PCNX1: variants seen among roughly 807,000 people sequenced by gnomAD.
PCNX1 encodes the protein pecanex-like protein 1.
Under a neutral mutation model 242.2 loss-of-function variants are expected in PCNX1, and 78 were observed. The ratio of observed to expected loss-of-function variants is 0.32; its 90% confidence interval spans 0.27 to 0.39. The LOEUF (loss-of-function observed/expected upper bound fraction) is 0.39. Among genes scored for constraint, PCNX1 ranks in the 10% least tolerant of loss-of-function variants. PCNX1 has a pLI of 1.00. For missense variants in PCNX1, 2,581 were observed against 2,856.5 expected (o/e 0.90, Z 2.20); for synonymous variants, 1,024 against 1,032.9 (o/e 0.99, Z 0.17).
intron 2 of PCNX1, among the ~76,000 whole-genome samples, chr14:70,948,645 ATAG>A (rs2057564180): frequency 6.6e-6 from 1 of 150,992 alleles, no homozygotes. Context: ...TTGTGTATAT[ATAG>A]ATGTGTATAT....
At chr14:70,953,730 C>T (rs1390749956) in intron 2 of PCNX1, among the ~76,000 whole-genome samples, 1 of 148,276 alleles carries the variant, frequency 6.7e-6, no homozygotes, top group Non-Finnish European at 1.5e-5. Flanking sequence ...AGTGCAGTGG[C>T]ACAGTCTCAG....
rs895188713 is a variant in PCNX1 at position 71,112,485 on chromosome 14, A to T, written c.*2550A>T. The stretch of plus-strand genomic sequence containing the variant: ...CTGACAATCTTTTAAAAATCATAAT[A>T]CTTTTCTAGTAATTGCATCAGGGAA... On this transcript the variant is annotated 3_prime_UTR_variant, in exon 36 of 36. Transcript: ENST00000304743. The T allele has an allele frequency of 6.6e-6, 1 of 152,108 alleles. No homozygotes were observed. Among genetic ancestry groups the T allele is most frequent in the Non-Finnish European group, 1.5e-5 (1 of 67,938 alleles). 9.4% of individuals were successfully genotyped at this position (152,108 alleles called of 1,614,324 possible).
Position 71,003,080 on chromosome 14 carries a change from C to CTTTTTTTTTTTTTTTTTTTTTTTTTTT in PCNX1, c.2630-6534_2630-6533insTTTTTTTTTTTTTTTTTTTTTTTTTTT, listed in dbSNP as rs3083307. Among the ~76,000 whole-genome samples the CTTTTTTTTTTTTTTTTTTTTTTTTTTT allele has an allele frequency of 1.4e-4, 13 of 95,474 alleles. 1 individual carries two copies. Among genetic ancestry groups the CTTTTTTTTTTTTTTTTTTTTTTTTTTT allele is most frequent in the African/African-American group, 4.7e-4 (10 of 21,262 alleles). The allele number at this position is 95,474 out of a possible 152,430, so 62.6% of individuals were successfully genotyped here. ...TAAAAATCGGGTTGTTGGTTGTCTTCTTTTTTTTTTTTTTTTTTTTGAGAC... is the reference window on the plus strand; with the variant it reads ...TAAAAATCGGGTTGTTGGTTGTCTTCTTTTTTTTTTTTTTTTTTTTTTTTTTTTTTTTTTTTTTTTTTTTTTTGAGAC... On this transcript the variant is annotated intron_variant, in intron 8 of 35. Coordinates refer to ENST00000304743, the MANE Select transcript of PCNX1 (RefSeq NM_014982.3).
At chr14:70,931,537 G>A (rs553899066) in intron 1 of PCNX1, among the ~76,000 whole-genome samples, 59 of 152,268 alleles carry the variant, frequency 3.9e-4, no homozygotes, top group African/African-American at 1.3e-3. Flanking sequence ...TAGTGTGCCC[G>A]TTTGTGTGTT....
chr14:71,045,238 C>T lies in PCNX1; in HGVS notation c.3973C>T (p.His1325Tyr), dbSNP rs2060826056. 4 of 1,613,238 alleles carry T rather than the reference C, an allele frequency of 2.5e-6. No individual in the cohort carries two copies. Among genetic ancestry groups the T allele is most frequent in the Non-Finnish European group, 3.4e-6 (4 of 1,179,270 alleles). Residue 1325 changes from histidine (H) to tyrosine (Y), a missense_variant, in exon 20 of 36, where the codon CAT (histidine) becomes TAT (tyrosine). His to Tyr is a moderately conservative substitution (Grantham distance 83). This residue lies in a region of PCNX1 where 432 missense variants were observed against 443.1 expected (regional missense o/e 0.97). Transcript: ENST00000304743. Reference protein sequence around the residue: ...RKQLPWHCFSHPLLKTLEYNQ... With the variant: ...RKQLPWHCFSYPLLKTLEYNQ... ...ACAGCTACCATGGCACTGTTTCTCT[C>T]ATCCTCTGCTAAAGACACTAGAGTA... is the stretch of plus-strand genomic sequence containing the variant.
chr14:70,995,357 G>T (rs1244970382), intron 7 of PCNX1, among the ~76,000 whole-genome samples: 1 of 152,188 alleles, frequency 6.6e-6, no homozygotes, highest in Non-Finnish European at 1.5e-5. Context: ...AAATGAAAGT[G>T]CATATTTAAC....
chr14:71,054,378 A>C (rs2061123931), intron 24 of PCNX1, among the ~76,000 whole-genome samples: 2 of 152,204 alleles, frequency 1.3e-5, no homozygotes, highest in African/African-American at 4.8e-5. Flanking sequence ...TTATGTAGTG[A>C]ATTTTAAAAT....
At chr14:70,955,711 T>C (rs2057967149) in intron 2 of PCNX1, among the ~76,000 whole-genome samples, 1 of 152,214 alleles carries the variant, frequency 6.6e-6, no homozygotes. Context: ...GAAATCTCCA[T>C]TGCTGCAAAC....
intron 1 of PCNX1, among the ~76,000 whole-genome samples, chr14:70,940,446 A>G (rs1271131432): frequency 6.6e-6 from 1 of 152,220 alleles, no homozygotes; most frequent in Non-Finnish European, 1.5e-5. Flanking sequence ...AGAATGTTGA[A>G]TATTGGCCCC....
chr14:70,994,396 G>GATATATGTGTATATATATAT (rs1371763584), intron 7 of PCNX1, among the ~76,000 whole-genome samples: 7 of 96,956 alleles, frequency 7.2e-5, no homozygotes, highest in African/African-American at 2.3e-4. Context: ...ACAGGCTTAA[G>GATATATGTGTATATATATAT]ATATATATAT....
At chr14:71,096,094 C>T (rs1016175424) in intron 30 of PCNX1, among the ~76,000 whole-genome samples, 21 of 152,142 alleles carry the variant, frequency 1.4e-4, no homozygotes, top group Non-Finnish European at 2.8e-4. Context: ...CTGAGATGGG[C>T]GGATCACGAG....
chr14:70,956,404 A>T lies in PCNX1; in HGVS notation c.363-5822A>T, dbSNP rs191989873. The stretch of plus-strand genomic sequence containing the variant: ...CCAAAAAAATAAATAAATAAATAAA[A>T]AATTAGCCGGGTGTGGTGGCATGGG... On this transcript the variant is annotated intron_variant, in intron 2 of 35. Transcript: ENST00000304743. Among the ~76,000 whole-genome samples, 1,106 of 152,096 alleles carry T rather than the reference A, an allele frequency of 7.3e-3. 39 individuals are homozygous for T. Among genetic ancestry groups the T allele is most frequent in the Admixed American group, 0.067 (1,030 of 15,272 alleles).
At chr14:70,932,162 A>C (rs958860831) in intron 1 of PCNX1, among the ~76,000 whole-genome samples, 2 of 152,214 alleles carry the variant, frequency 1.3e-5, no homozygotes, top group African/African-American at 4.8e-5. Context: ...CGAATAATCT[A>C]AATAAATTTA....
At chr14:71,052,092 T>A in intron 24 of PCNX1, 80 bp downstream of exon 24, 1 of 1,025,410 alleles carries the variant, frequency 9.8e-7, no homozygotes, top group Admixed American at 2.6e-5. Context: ...TTATTAGAAT[T>A]TATGGTTCAT....
At chr14:70,991,139 A>G (rs113546330) in intron 7 of PCNX1, among the ~76,000 whole-genome samples, 9,705 of 150,250 alleles carry the variant, frequency 0.065, 393 homozygotes, top group Admixed American at 0.13. Context: ...ATCACATACA[A>G]TTTTCCCATG....
intron 33 of PCNX1, among the ~76,000 whole-genome samples, chr14:71,106,790 T>C (rs1212699386): frequency 1.3e-5 from 2 of 152,188 alleles, no homozygotes; most frequent in Non-Finnish European, 2.9e-5. Context: ...TATTTTTCTA[T>C]TTGGTTATCT....
In PCNX1 at chr14:71,102,214, C is replaced by A; in HGVS notation, c.5814C>A (p.Val1938=). 6.2e-7 allele frequency: 1 copy of A among 1,602,374 alleles called. No individual in the cohort carries two copies. Among genetic ancestry groups the A allele is most frequent in the South Asian group, 1.1e-5 (1 of 90,778 alleles). The change falls in exon 31 of 36, where the codon GTC becomes GTA. Residue 1938 remains valine (V), a synonymous_variant. Coordinates refer to ENST00000304743, the MANE Select transcript of PCNX1 (RefSeq NM_014982.3). ...MLNRRYLSFR[V]IKVNKECVRG... Reference sequence around the variant, plus strand: ...ACAGACGCTACCTGAGCTTCAGGGTCATTAAAGTAAGTGTTTGAGGTATTT... The same window carrying A: ...ACAGACGCTACCTGAGCTTCAGGGTAATTAAAGTAAGTGTTTGAGGTATTT...
In PCNX1 at chr14:71,068,591, C is replaced by CGTGCGT. The variant is rs1555373195; in HGVS notation, c.4853-4951_4853-4950insCGTGTG. Among the ~76,000 whole-genome samples the CGTGCGT allele has an allele frequency of 2.9e-4, 36 of 124,022 alleles. 1 individual carries two copies. In the East Asian group the frequency reaches 5.4e-3, roughly 18 times the overall value. 81.4% of individuals were successfully genotyped at this position (124,022 alleles called of 152,430 possible). A position where few individuals can be genotyped will look rare whatever the true frequency, so the allele number is the denominator to read the frequency against. On this transcript the variant is annotated intron_variant, in intron 26 of 35. Coordinates refer to ENST00000304743, the MANE Select transcript of PCNX1 (RefSeq NM_014982.3). Reference sequence around the variant, plus strand: ...GACTTTTTAGGTTTGTATGTACGTGCGTGTGTGTGTGTGTGTGTGTGTGTG... The same window carrying CGTGCGT: ...GACTTTTTAGGTTTGTATGTACGTGCGTGCGTGTGTGTGTGTGTGTGTGTGTGTGTG...
At position 71,011,488 on chromosome 14, in the gene PCNX1, T is replaced by G. The variant is rs779642899; in HGVS notation, c.2721-4T>G. Reference sequence around the variant, plus strand: ...ACTGTTCCCTATTTTTTATTTTATTTTAGTGACACAGATTCTCATGTATCC... The same window carrying G: ...ACTGTTCCCTATTTTTTATTTTATTGTAGTGACACAGATTCTCATGTATCC... On this transcript the variant is annotated splice_region_variant and splice_polypyrimidine_tract_variant and intron_variant, in intron 9 of 35. Coordinates refer to ENST00000304743, the MANE Select transcript of PCNX1 (RefSeq NM_014982.3). 3 of 1,520,404 alleles carry G rather than the reference T, an allele frequency of 2.0e-6. No homozygotes were observed. The highest frequency in any genetic ancestry group is 2.7e-6 in the Non-Finnish European group (3 of 1,097,574). The allele number at this position is 1,520,404 out of a possible 1,614,324, so 94.2% of individuals were successfully genotyped here. A position where few individuals can be genotyped will look rare whatever the true frequency, so the allele number is the denominator to read the frequency against.
Sources: allele counts gnomAD v4.1 joint callset (sites outside exome capture counted in the v4.1 genomes callset), GRCh38; gene constraint gnomAD v4.1.1; regional missense constraint gnomAD v4.1.1; transcripts MANE v1.5; gene names NCBI Gene and HGNC (gene_info 2026-07-23, HGNC 2026-07-21).